The following GABRB1 variants were observed in gnomAD, a reference collection of about 807,000 sequenced individuals.
GABRB1 encodes gamma-aminobutyric acid receptor subunit beta-1.
GABRB1 carries 17 observed loss-of-function variants against 51.6 expected under a neutral mutation model. That is an observed-to-expected ratio of 0.33 (90% CI 0.23 to 0.49). GABRB1 has a LOEUF of 0.49. Among genes scored for constraint, GABRB1 ranks in the 20% least tolerant of loss-of-function variants. GABRB1 has a pLI of 0.99. For missense variants in GABRB1, 410 were observed against 600.6 expected, an observed-to-expected ratio of 0.68 and a Z score of 3.32; for synonymous variants, 247 against 218.9, an observed-to-expected ratio of 1.13 and a Z score of -1.14.
intron 8 of GABRB1, among the ~76,000 whole-genome samples, chr4:47,418,308 T>C (rs1327691124): frequency 6.6e-6 from 1 of 152,214 alleles, no homozygotes; most frequent in Non-Finnish European, 1.5e-5. Flanking sequence ...AGCTGGAAAC[T>C]CAGATGAGAG....
chr4:47,094,874 G>A (rs895507526), intron 3 of GABRB1, among the ~76,000 whole-genome samples: 14 of 152,110 alleles, frequency 9.2e-5, no homozygotes, highest in Admixed American at 2.0e-4. Flanking sequence ...TTTAGCTTAA[G>A]CTGTATCTGT....
At chr4:47,424,302 G>GA in intron 8 of GABRB1, among the ~76,000 whole-genome samples, 1 of 152,352 alleles carries the variant, frequency 6.6e-6, no homozygotes, top group East Asian at 1.9e-4. Flanking sequence ...AAACGAGCCA[G>GA]ATTGTTAACC....
chr4:47,248,934 T>G (rs1204751479), intron 4 of GABRB1, among the ~76,000 whole-genome samples: 1 of 152,106 alleles, frequency 6.6e-6, no homozygotes, highest in Admixed American at 6.6e-5. Context: ...TCTATCAATT[T>G]TATTTCTATT....
At chr4:47,373,476 G>T (rs779921752) in intron 5 of GABRB1, among the ~76,000 whole-genome samples, 100 of 152,146 alleles carry the variant, frequency 6.6e-4, no homozygotes, top group Non-Finnish European at 1.2e-3. Flanking sequence ...CTAGCCTCAA[G>T]GACTCAGAAG....
chr4:47,057,860 A>G (rs1362936248), intron 3 of GABRB1, among the ~76,000 whole-genome samples: 1 of 152,224 alleles, frequency 6.6e-6, no homozygotes, highest in African/African-American at 2.4e-5. Context: ...TTACACAAGT[A>G]TACCACCTCA....
At chr4:47,010,992 C>T (rs1319883566) in intron 1 of GABRB1, among the ~76,000 whole-genome samples, 3 of 151,892 alleles carry the variant, frequency 2.0e-5, no homozygotes, top group Non-Finnish European at 2.9e-5. Flanking sequence ...ACAGAGAGTC[C>T]TTCTTCAGCT....
At chr4:47,365,187 C>A (rs999558992) in intron 5 of GABRB1, among the ~76,000 whole-genome samples, 4 of 152,202 alleles carry the variant, frequency 2.6e-5, no homozygotes, top group African/African-American at 4.8e-5. Flanking sequence ...AAACAAAATA[C>A]AATTTCTCTC....
chr4:47,209,567 C>CA (rs1720268975), intron 4 of GABRB1, among the ~76,000 whole-genome samples: 1 of 152,002 alleles, frequency 6.6e-6, no homozygotes, highest in Admixed American at 6.6e-5. Flanking sequence ...TTGCATTGTG[C>CA]AATTTTTAGT....
rs562725670 is a variant in GABRB1, at chr4:47,098,476, C to T, written c.241-62773C>T. On this transcript the variant is annotated intron_variant, in intron 3 of 8. Coordinates refer to ENST00000295454, the MANE Select transcript of GABRB1 (RefSeq NM_000812.4). ...TTTTTCCCCCCAATTAGGGTTTCTA[C>T]AAAATGTTATTTGTTATTATTATTA... 2.0e-5 allele frequency among the ~76,000 whole-genome samples: 3 copies of T among 152,128 alleles called. No homozygotes were observed. The South Asian group carries it at 6.2e-4, about 32-fold the overall frequency.
chr4:47,246,379 T>TATATAC (rs1721759229), intron 4 of GABRB1, among the ~76,000 whole-genome samples: 1 of 46,082 alleles, frequency 2.2e-5, no homozygotes, highest in African/African-American at 1.0e-4. Context: ...TATATATATA[T>TATATAC]ATATATATAT....
chr4:47,260,188 C>T (rs2109876525), intron 4 of GABRB1, among the ~76,000 whole-genome samples: 1 of 152,204 alleles, frequency 6.6e-6, no homozygotes, highest in South Asian at 2.1e-4. Flanking sequence ...GGTAGATCTT[C>T]CTCCATCCTT....
chr4:47,193,071 T>C (rs1265350528), intron 4 of GABRB1, among the ~76,000 whole-genome samples: 6 of 152,206 alleles, frequency 3.9e-5, no homozygotes, highest in Non-Finnish European at 8.8e-5. Context: ...GCTAGCACTA[T>C]AGAAATAAAT....
intron 3 of GABRB1, among the ~76,000 whole-genome samples, chr4:47,046,553 A>G (rs1027757616): frequency 2.6e-5 from 4 of 152,198 alleles, no homozygotes; most frequent in Admixed American, 2.6e-4. Context: ...TAATGGCACC[A>G]AAAAAGGTCC....
chr4:47,073,069 A>G (rs1466871475), intron 3 of GABRB1, among the ~76,000 whole-genome samples: 1 of 152,138 alleles, frequency 6.6e-6, no homozygotes, highest in African/African-American at 2.4e-5. Context: ...GTTAACCTCA[A>G]AGTGTGTCTA....
intron 3 of GABRB1, among the ~76,000 whole-genome samples, chr4:47,127,831 A>G (rs2109665703): frequency 6.6e-6 from 1 of 151,986 alleles, no homozygotes; most frequent in East Asian, 1.9e-4. Context: ...TCATATTGTG[A>G]ACTATAAAGC....
intron 5 of GABRB1, among the ~76,000 whole-genome samples, chr4:47,333,957 G>A (rs1725596580): frequency 6.6e-6 from 1 of 152,150 alleles, no homozygotes; most frequent in African/African-American, 2.4e-5. Flanking sequence ...TAGATTATGT[G>A]TACCTACAAT....
At chr4:47,333,120 A>G (rs1320919268) in intron 5 of GABRB1, among the ~76,000 whole-genome samples, 1 of 146,484 alleles carries the variant, frequency 6.8e-6, no homozygotes, top group African/African-American at 2.5e-5. Flanking sequence ...ATATATTTAT[A>G]AATATATTTA....
At chr4:47,353,385 T>C (rs1726435929) in intron 5 of GABRB1, among the ~76,000 whole-genome samples, 1 of 152,232 alleles carries the variant, frequency 6.6e-6, no homozygotes, top group Admixed American at 6.5e-5. Flanking sequence ...ATGTTTCCCT[T>C]ACAAATAAGT....
At chr4:47,403,986 C>T (rs16860192) in intron 7 of GABRB1, among the ~76,000 whole-genome samples, 17,539 of 152,194 alleles carry the variant, frequency 0.12, 1,088 homozygotes, top group African/African-American at 0.15. Context: ...TTTAAATTCT[C>T]ATTACACTAG....
Sources: allele counts gnomAD v4.1 joint callset (sites outside exome capture counted in the v4.1 genomes callset), GRCh38; gene constraint gnomAD v4.1.1; transcripts MANE v1.5; gene names NCBI Gene and HGNC (gene_info 2026-07-23, HGNC 2026-07-21).